RORA: variants seen among roughly 807,000 people sequenced by gnomAD.
RORA encodes the protein RAR related orphan receptor A, also known as nuclear receptor ROR-alpha.
A neutral mutation model predicts 69.5 loss-of-function variants in RORA; 7 were observed. The observed-to-expected ratio is 0.10, with a 90% CI of 0.06 to 0.19. The LOEUF (loss-of-function observed/expected upper bound fraction) is 0.19. Among genes scored for constraint, RORA ranks in the 10% least tolerant of loss-of-function variants. RORA has a pLI of 1.00. For synonymous variants in RORA, 261 were observed against 240.8 expected, an observed-to-expected ratio of 1.08 and a Z score of -0.78; for missense variants, 457 against 663.0, an observed-to-expected ratio of 0.69 and a Z score of 3.41.
chr15:61,045,902 C>A (rs142331184), intron 1 of RORA, among the ~76,000 whole-genome samples: 127 of 152,316 alleles, frequency 8.3e-4, no homozygotes, highest in Middle Eastern at 3.4e-3. Context: ...AAAAGGACTT[C>A]GTGGCATGCA....
At chr15:60,605,164 T>A (rs1405279647) in intron 2 of RORA, among the ~76,000 whole-genome samples, 1 of 152,166 alleles carries the variant, frequency 6.6e-6, no homozygotes, top group Non-Finnish European at 1.5e-5. Context: ...TCAAAGGTTC[T>A]ACACACGATA....
At chr15:61,046,379 C>T (rs1324400680) in intron 1 of RORA, among the ~76,000 whole-genome samples, 5 of 152,054 alleles carry the variant, frequency 3.3e-5, no homozygotes, top group Admixed American at 1.3e-4. Flanking sequence ...GAATAGTCTC[C>T]GCCAGGAGAG....
chr15:60,772,361 G>C (rs1171499497), intron 1 of RORA, among the ~76,000 whole-genome samples: 2 of 152,020 alleles, frequency 1.3e-5, no homozygotes, highest in Non-Finnish European at 2.9e-5. Flanking sequence ...TGCTAACCTA[G>C]GGTACTAAGT....
At chr15:61,022,303 G>A (rs1416400629) in intron 1 of RORA, among the ~76,000 whole-genome samples, 4 of 152,188 alleles carry the variant, frequency 2.6e-5, no homozygotes, top group African/African-American at 9.7e-5. Flanking sequence ...AATTTAGGCA[G>A]CTATTAATTA....
At chr15:61,017,548 G>GTTC (rs1895343580) in intron 1 of RORA, among the ~76,000 whole-genome samples, 1 of 151,978 alleles carries the variant, frequency 6.6e-6, no homozygotes, top group Non-Finnish European at 1.5e-5. Flanking sequence ...TTAAATCACA[G>GTTC]TTCTTTTTCT....
chr15:61,157,699 T>C (rs1443211170), intron 1 of RORA, among the ~76,000 whole-genome samples: 3 of 152,190 alleles, frequency 2.0e-5, no homozygotes, highest in Non-Finnish European at 4.4e-5. Flanking sequence ...CCCATTAGTG[T>C]ATATGTTTTA....
rs201596648 is a variant in RORA, at chr15:60,511,451, C to T, written c.595G>A (p.Asp199Asn). 75 of 1,613,986 alleles carry T rather than the reference C, an allele frequency of 4.6e-5. No individual in the cohort carries two copies. The highest frequency in any genetic ancestry group is 3.3e-5 in the Admixed American group (2 of 59,992). The change falls in exon 5 of 11, where the codon GAC becomes AAC. Residue 199 changes from aspartate (D) to asparagine (N), a missense_variant. Physicochemically the swap from Asp to Asn is conservative, Grantham distance 23. Around this residue, in one of 3 missense-constraint regions of RORA, gnomAD observed 304 missense variants for 447.4 expected, o/e 0.68. Coordinates refer to ENST00000335670, the MANE Select transcript of RORA (RefSeq NM_134261.3). This position sits in a 1 kb window ranked among gnomAD's most constrained non-coding sequence, Gnocchi z 6.4. ...SANGLTELHD[D>N]LSNYIDGHTP... ...TGCCCGTCAATGTAGTTACTGAGGT[C>T]GTCGTGAAGTTCCGTCAGCCCGTTG...
chr15:61,183,901 A>T (rs932113856), intron 1 of RORA, among the ~76,000 whole-genome samples: 25 of 152,150 alleles, frequency 1.6e-4, no homozygotes, highest in African/African-American at 6.0e-4. Context: ...TCAGACAGAC[A>T]CGCCTTGTCT....
At chr15:61,195,268 G>A (rs2079837101) in intron 1 of RORA, among the ~76,000 whole-genome samples, 1 of 151,940 alleles carries the variant, frequency 6.6e-6, no homozygotes, top group Non-Finnish European at 1.5e-5. Flanking sequence ...TGAAAGTTAT[G>A]CATTAAACAA....
chr15:60,507,292 CA>C (rs1484969006), intron 5 of RORA, among the ~76,000 whole-genome samples: 5 of 152,138 alleles, frequency 3.3e-5, no homozygotes, highest in Non-Finnish European at 7.4e-5. Context: ...GTGCTGAATG[CA>C]AACTTGGCAA....
At chr15:60,938,230 A>G (rs915276281) in intron 1 of RORA, among the ~76,000 whole-genome samples, 6 of 152,340 alleles carry the variant, frequency 3.9e-5, no homozygotes, top group African/African-American at 1.2e-4. Context: ...TGGTATTACA[A>G]TCTCATGGGG....
chr15:60,557,245 T>C (rs1397264083), intron 2 of RORA, among the ~76,000 whole-genome samples: 1 of 152,240 alleles, frequency 6.6e-6, no homozygotes, highest in Non-Finnish European at 1.5e-5. Context: ...TCTATAGTCA[T>C]ACCTAAAATT....
chr15:60,920,528 T>C (rs997861780), intron 1 of RORA, among the ~76,000 whole-genome samples: 3 of 152,174 alleles, frequency 2.0e-5, no homozygotes, highest in African/African-American at 7.2e-5. Flanking sequence ...CACCAAGCTT[T>C]ACCAGTACCC....
intron 1 of RORA, among the ~76,000 whole-genome samples, chr15:61,198,675 C>CAAAA (rs34291851): frequency 3.9e-4 from 55 of 139,514 alleles, no homozygotes; most frequent in East Asian, 3.8e-3. Flanking sequence ...TATATTCTCT[C>CAAAA]AAAAAAAAAA....
chr15:60,527,609 C>G (rs1450807703), intron 3 of RORA, among the ~76,000 whole-genome samples: 2 of 152,208 alleles, frequency 1.3e-5, no homozygotes, highest in Non-Finnish European at 2.9e-5. Context: ...AACTAAAAAC[C>G]TTGCAGGCCT....
At chr15:61,166,464 G>A (rs1294018229) in intron 1 of RORA, among the ~76,000 whole-genome samples, 2 of 152,150 alleles carry the variant, frequency 1.3e-5, no homozygotes, top group African/African-American at 2.4e-5. Context: ...GAAGAAAAGG[G>A]ATGAGGCAGG....
intron 2 of RORA, among the ~76,000 whole-genome samples, chr15:60,625,432 A>T (rs1836369670): frequency 6.6e-6 from 1 of 152,176 alleles, no homozygotes; most frequent in South Asian, 2.1e-4. Flanking sequence ...TGCATTTACC[A>T]TTGTCCTACT....
intron 2 of RORA, among the ~76,000 whole-genome samples, chr15:60,569,844 A>C (rs2067827664): frequency 6.6e-6 from 1 of 152,198 alleles, no homozygotes; most frequent in South Asian, 2.1e-4. Flanking sequence ...TTCACAAATC[A>C]ATGGAAGCTA....
In RORA at chr15:60,808,070, T is replaced by C. The variant is rs370934152; in HGVS notation, c.167-129384A>G. 5.3e-5 allele frequency among the ~76,000 whole-genome samples: 8 copies of C among 152,168 alleles called. No individual in the cohort carries two copies. In the East Asian group the frequency reaches 7.7e-4, roughly 15 times the overall value. On this transcript the variant is annotated intron_variant, in intron 1 of 10. Coordinates refer to ENST00000335670, the MANE Select transcript of RORA (RefSeq NM_134261.3). ...CAAATGCAACAAAAACAAAGATAAA[T>C]AGACGGGACTTAATAAAATTAAAAA...
Sources: gnomAD v4.1 joint callset for allele counts (sites outside exome capture counted in the v4.1 genomes callset) on GRCh38, gnomAD v4.1.1 for gene constraint, gnomAD v4.1.1 regional missense constraint, Gnocchi (gnomAD v3.1) non-coding constraint, MANE v1.5 for transcripts, NCBI Gene and HGNC (gene_info 2026-07-23, HGNC 2026-07-21) for gene names.